Variants in RAD18 observed in about 807,000 individuals in gnomAD.
RAD18 encodes E3 ubiquitin-protein ligase RAD18.
A neutral mutation model predicts 60.4 loss-of-function variants in RAD18; 47 were observed. The ratio of observed to expected loss-of-function variants is 0.78; its 90% CI spans 0.62 to 0.99. RAD18 has a LOEUF of 0.99. Among genes scored for constraint, RAD18 ranks in the 50% least tolerant of loss-of-function variants. The pLI is 0.00. For synonymous variants in RAD18, 225 were observed against 195.5 expected (o/e 1.15, Z -1.26); for missense variants, 640 against 593.3 (o/e 1.08, Z -0.82).
rs763990092 is a variant in RAD18 at position 8,958,869 on chromosome 3, C to T, written c.133+51G>A. 6 of 1,359,516 alleles carry T rather than the reference C, an allele frequency of 4.4e-6. No homozygotes were observed. The Admixed American group carries it at 5.1e-5, about 11-fold the overall frequency. 84.2% of individuals were successfully genotyped at this position (1,359,516 alleles called of 1,614,324 possible). A position where few individuals can be genotyped will look rare whatever the true frequency, so the allele number is the denominator to read the frequency against. ...TATCTTTGGTGTTAAATTAACACTACCTCATGTAAAAATCGCAATTTACTA... is the reference window on the plus strand; with the variant it reads ...TATCTTTGGTGTTAAATTAACACTATCTCATGTAAAAATCGCAATTTACTA... On this transcript the variant is annotated intron_variant, in intron 2 of 12. Coordinates refer to ENST00000264926, the MANE Select transcript of RAD18 (RefSeq NM_020165.4).
intron 10 of RAD18, 48 bp downstream of exon 10, chr3:8,902,332 T>G: frequency 7.0e-7 from 1 of 1,418,748 alleles, no homozygotes; most frequent in Non-Finnish European, 9.3e-7. Flanking sequence ...ATATTAAAAG[T>G]AAATAATGAA....
At chr3:8,936,204 T>C (rs1267449757) in intron 6 of RAD18, 149 bp from the exon 7 acceptor site, 1 of 803,498 alleles carries the variant, frequency 1.2e-6, no homozygotes, top group Non-Finnish European at 1.9e-6. Flanking sequence ...ATCAAGTTTG[T>C]GGATAAAGTT....
rs180724370 is a variant in RAD18 at position 8,905,101 on chromosome 3, C to T, written c.1028-2581G>A. ...ACTTCTTTACTTCATTTTAGAAGAT[C>T]TGCCATTTGGCAAGGAATACTGCAG... On this transcript the variant is annotated intron_variant, in intron 9 of 12. Transcript: ENST00000264926. Among the ~76,000 whole-genome samples, 89 of 152,332 alleles carry T rather than the reference C, an allele frequency of 5.8e-4. No individual in the cohort carries two copies. The South Asian group carries it at 6.6e-3, about 11-fold the overall frequency.
At chr3:8,945,912 T>C (rs1054348764) in intron 4 of RAD18, among the ~76,000 whole-genome samples, 1 of 152,050 alleles carries the variant, frequency 6.6e-6, no homozygotes, top group Non-Finnish European at 1.5e-5. Context: ...CTAAGTGTTA[T>C]TACAAAAGAG....
chr3:8,940,012 T>C (rs1940720448), intron 5 of RAD18, among the ~76,000 whole-genome samples: 1 of 152,248 alleles, frequency 6.6e-6, no homozygotes, highest in Admixed American at 6.5e-5. Context: ...GCTATCCATG[T>C]TTAGCCCAGA....
At chr3:8,921,956 G>A (rs1044967655) in intron 7 of RAD18, among the ~76,000 whole-genome samples, 3 of 152,154 alleles carry the variant, frequency 2.0e-5, no homozygotes, top group Non-Finnish European at 4.4e-5. Flanking sequence ...AAAGTCAGGG[G>A]CAGTTCCAAG....
At chr3:8,896,891 C>T (rs1189016357) in intron 11 of RAD18, among the ~76,000 whole-genome samples, 3 of 151,922 alleles carry the variant, frequency 2.0e-5, no homozygotes, top group Non-Finnish European at 4.4e-5. Flanking sequence ...AGAAAGAATA[C>T]ATTCCTTTTA....
intron 1 of RAD18, among the ~76,000 whole-genome samples, chr3:8,962,227 C>G (rs1027576760): frequency 1.3e-5 from 2 of 152,140 alleles, no homozygotes; most frequent in East Asian, 3.8e-4. Context: ...AGTTACTAAC[C>G]GAAGGTCATA....
intron 4 of RAD18, among the ~76,000 whole-genome samples, chr3:8,945,026 A>AACACAGTATG (rs1186627185): frequency 1.3e-5 from 2 of 152,248 alleles, no homozygotes; most frequent in Non-Finnish European, 2.9e-5. Flanking sequence ...AAATTTTAAA[A>AACACAGTATG]ACACAGTATG....
At chr3:8,948,598 T>C in intron 2 of RAD18, 28 bp from the exon 3 acceptor site, 1 of 1,548,374 alleles carries the variant, frequency 6.5e-7, no homozygotes, top group Non-Finnish European at 8.9e-7. Flanking sequence ...CAACATAATG[T>C]TAATTAAGCT....
At chr3:8,933,883 G>A (rs145562947) in intron 7 of RAD18, among the ~76,000 whole-genome samples, 1 of 152,156 alleles carries the variant, frequency 6.6e-6, no homozygotes, top group Non-Finnish European at 1.5e-5. Context: ...TTACCAGACA[G>A]CAAGACCTAT....
At chr3:8,895,015 A>G (rs1383719552) in intron 11 of RAD18, among the ~76,000 whole-genome samples, 2 of 152,044 alleles carry the variant, frequency 1.3e-5, no homozygotes, top group Non-Finnish European at 2.9e-5. Flanking sequence ...TTGGCCTCCC[A>G]AAGTGCTGGG....
intron 11 of RAD18, among the ~76,000 whole-genome samples, 175 bp from the exon 12 acceptor site, chr3:8,890,626 A>G (rs1939668620): frequency 6.6e-6 from 1 of 152,222 alleles, no homozygotes. Flanking sequence ...AGCCAAATGT[A>G]GTTTCCATTA....
chr3:8,925,658 C>T (rs1940420307), intron 7 of RAD18, among the ~76,000 whole-genome samples: 1 of 152,134 alleles, frequency 6.6e-6, no homozygotes, highest in African/African-American at 2.4e-5. Flanking sequence ...TGCAAAAATC[C>T]TCAATAAAAT....
At chr3:8,915,691 C>G (rs953801804) in intron 7 of RAD18, among the ~76,000 whole-genome samples, 1 of 151,586 alleles carries the variant, frequency 6.6e-6, no homozygotes, top group Non-Finnish European at 1.5e-5. Flanking sequence ...TCACGCCATT[C>G]TCCTGCCTCA....
At chr3:8,920,598 T>C (rs1940300948) in intron 7 of RAD18, among the ~76,000 whole-genome samples, 1 of 152,160 alleles carries the variant, frequency 6.6e-6, no homozygotes, top group Admixed American at 6.5e-5. Context: ...AGGCCTGATA[T>C]CACAAATGAG....
chr3:8,906,530 G>A (rs1940003637), intron 9 of RAD18, among the ~76,000 whole-genome samples: 1 of 152,132 alleles, frequency 6.6e-6, no homozygotes, highest in Admixed American at 6.5e-5. Flanking sequence ...CTTCCAAGCT[G>A]TGAAACTCCT....
chr3:8,895,345 T>A (rs1939765826), intron 11 of RAD18, among the ~76,000 whole-genome samples: 1 of 152,200 alleles, frequency 6.6e-6, no homozygotes, highest in African/African-American at 2.4e-5. Context: ...ATGAAGATTT[T>A]AAAAAATACA....
chr3:8,949,794 T>A (rs192513486), intron 2 of RAD18, among the ~76,000 whole-genome samples: 19 of 152,296 alleles, frequency 1.2e-4, no homozygotes, highest in African/African-American at 4.6e-4. Context: ...ACCTGAGCTG[T>A]AATTGACGAA....
Sources: gnomAD v4.1 joint callset for allele counts (sites outside exome capture counted in the v4.1 genomes callset) on GRCh38, gnomAD v4.1.1 for gene constraint, MANE v1.5 for transcripts, NCBI Gene and HGNC (gene_info 2026-07-23, HGNC 2026-07-21) for gene names.